GRIN2B: variants seen among roughly 807,000 people sequenced by gnomAD.
GRIN2B encodes the protein glutamate ionotropic receptor NMDA type subunit 2B.
Under a neutral mutation model 114.5 loss-of-function variants are expected in GRIN2B, and 5 were observed. That is an observed-to-expected ratio of 0.04 (90% CI 0.02 to 0.09). GRIN2B has a LOEUF of 0.09. GRIN2B is among the 10% of genes least tolerant of loss of function. The pLI is 1.00. For synonymous variants in GRIN2B, 787 were observed against 745.1 expected, an observed-to-expected ratio of 1.06 and a Z score of -0.92; for missense variants, 1,108 against 1,943.5, an observed-to-expected ratio of 0.57 and a Z score of 8.08.
At chr12:13,705,064 C>T (rs979018574) in intron 4 of GRIN2B, among the ~76,000 whole-genome samples, 3 of 131,932 alleles carry the variant, frequency 2.3e-5, no homozygotes, top group African/African-American at 8.1e-5. Context: ...ACAATCCTAT[C>T]CATTCTTTTT....
chr12:13,743,398 C>A (rs1368821884), intron 4 of GRIN2B, among the ~76,000 whole-genome samples: 4 of 152,146 alleles, frequency 2.6e-5, no homozygotes, highest in Non-Finnish European at 5.9e-5. Context: ...AGGACAATGA[C>A]CCCGTGCAGC....
intron 3 of GRIN2B, among the ~76,000 whole-genome samples, chr12:13,850,393 C>T (rs1193527851): frequency 1.3e-5 from 2 of 152,124 alleles, no homozygotes; most frequent in South Asian, 2.1e-4. Flanking sequence ...AATCCTGGGG[C>T]ATCCAGTTGA....
Position 13,558,670 on chromosome 12 carries a change from A to G in GRIN2B, c.*4113T>C, listed in dbSNP as rs4627170. 1.3e-5 allele frequency: 2 copies of G among 152,358 alleles called. No individual in the cohort carries two copies. The highest frequency in any genetic ancestry group is 1.3e-4 in the Admixed American group (2 of 15,310). 9.4% of individuals were successfully genotyped at this position (152,358 alleles called of 1,614,324 possible). A position where few individuals can be genotyped will look rare whatever the true frequency, so the allele number is the denominator to read the frequency against. On this transcript the variant is annotated 3_prime_UTR_variant, in exon 14 of 14. Coordinates refer to ENST00000609686, the MANE Select transcript of GRIN2B (RefSeq NM_000834.5). ...CGTTTTTGGCACTACTGACACCAGCAACATTTAATGGAATCATTTGGGATT... is the reference window on the plus strand; with the variant it reads ...CGTTTTTGGCACTACTGACACCAGCGACATTTAATGGAATCATTTGGGATT...
At chr12:13,711,533 A>G (rs1265848152) in intron 4 of GRIN2B, among the ~76,000 whole-genome samples, 2 of 152,142 alleles carry the variant, frequency 1.3e-5, no homozygotes, top group Admixed American at 1.3e-4. Context: ...AATTTATAAG[A>G]AAAAAACAAA....
chr12:13,753,260 G>C lies in GRIN2B; in HGVS notation c.1010+57C>G. ...TGCAGTTTCTGAACTTCCAACCCCA[G>C]TCTTTGAAGCTCCCCTCTCATCTCC... On this transcript the variant is annotated intron_variant, in intron 4 of 13. Transcript: ENST00000609686. The surrounding 1 kb of genome is among the most constrained non-coding windows in gnomAD (Gnocchi z 6.2). The C allele has an allele frequency of 9.6e-7, 1 of 1,037,844 alleles. No homozygotes were observed. Among genetic ancestry groups the C allele is most frequent in the South Asian group, 1.3e-5 (1 of 79,664 alleles). 64.3% of individuals were successfully genotyped at this position (1,037,844 alleles called of 1,614,324 possible).
At chr12:13,875,108 T>C (rs1480880038) in intron 2 of GRIN2B, among the ~76,000 whole-genome samples, 1 of 152,170 alleles carries the variant, frequency 6.6e-6, no homozygotes, top group Non-Finnish European at 1.5e-5. Context: ...GTGTGTATTT[T>C]TCCCCCATTC....
chr12:13,693,813 C>G (rs1297872787), intron 4 of GRIN2B, among the ~76,000 whole-genome samples: 2 of 152,136 alleles, frequency 1.3e-5, no homozygotes, highest in Non-Finnish European at 2.9e-5. Flanking sequence ...TTTTCCTTGC[C>G]TCTGGAACAG....
chr12:13,981,656 T>A (rs1189501890), upstream of GRIN2B: 1 of 27,940 alleles, frequency 3.6e-5, no homozygotes, highest in African/African-American at 1.4e-4. Context: ...AGGTGGGGGG[T>A]GGAGAGGCAG....
chr12:13,927,966 C>CAAAA (rs57736516), intron 2 of GRIN2B, among the ~76,000 whole-genome samples: 3 of 37,594 alleles, frequency 8.0e-5, no homozygotes, highest in African/African-American at 1.8e-4. Context: ...GACCCTGTCT[C>CAAAA]AAAAAAAAAA....
intron 12 of GRIN2B, among the ~76,000 whole-genome samples, 196 bp from the exon 13 acceptor site, chr12:13,567,459 A>G (rs1393657496): frequency 6.6e-6 from 1 of 152,270 alleles, no homozygotes; most frequent in African/African-American, 2.4e-5. Context: ...TCATCAACGT[A>G]CTTAGTAAGC....
At chr12:13,736,624 A>T (rs190789951) in intron 4 of GRIN2B, among the ~76,000 whole-genome samples, 2 of 152,316 alleles carry the variant, frequency 1.3e-5, no homozygotes, top group East Asian at 3.9e-4. Context: ...AGCTAAACAC[A>T]TAATCTCACT....
chr12:13,974,227 G>T (rs921745958), intron 2 of GRIN2B, among the ~76,000 whole-genome samples: 3 of 152,196 alleles, frequency 2.0e-5, no homozygotes, highest in Non-Finnish European at 2.9e-5. Context: ...ACTAACAGCT[G>T]TCCCTTTCTT....
At position 13,756,293 on chromosome 12, in the gene GRIN2B, C is replaced by A. The variant is rs928843838; in HGVS notation, c.412-2378G>T. ...CCTCCCAAAGTGCTGGGATTACAGGCGTGAGCTACTGCGCCCATCCAAATT... is the reference window on the plus strand; with the variant it reads ...CCTCCCAAAGTGCTGGGATTACAGGAGTGAGCTACTGCGCCCATCCAAATT... On this transcript the variant is annotated intron_variant, in intron 3 of 13. Transcript: ENST00000609686. Among the ~76,000 whole-genome samples the A allele has an allele frequency of 2.6e-5, 4 of 152,128 alleles. No homozygotes were observed. The East Asian group carries it at 7.7e-4, about 29-fold the overall frequency.
At chr12:13,840,836 C>T (rs1865366036) in intron 3 of GRIN2B, among the ~76,000 whole-genome samples, 1 of 151,422 alleles carries the variant, frequency 6.6e-6, no homozygotes, top group African/African-American at 2.4e-5. Flanking sequence ...TCTCTCTGAG[C>T]CCTGAATTGT....
chr12:13,746,328 C>T (rs12321712), intron 4 of GRIN2B, among the ~76,000 whole-genome samples: 10,358 of 152,202 alleles, frequency 0.068, 464 homozygotes, highest in Non-Finnish European at 0.1. Flanking sequence ...ACCTATGACC[C>T]GCTTTTTAAC....
chr12:13,937,899 A>G (rs1867157210), intron 2 of GRIN2B, among the ~76,000 whole-genome samples: 1 of 152,142 alleles, frequency 6.6e-6, no homozygotes, highest in Admixed American at 6.5e-5. Flanking sequence ...GAGAATCAAG[A>G]AACAGGAAAT....
intron 2 of GRIN2B, among the ~76,000 whole-genome samples, chr12:13,974,253 C>A (rs555621619): frequency 1.2e-4 from 18 of 152,322 alleles, no homozygotes; most frequent in South Asian, 6.2e-4. Context: ...TGGCCATCAA[C>A]AGAGTTAGCT....
intron 2 of GRIN2B, among the ~76,000 whole-genome samples, chr12:13,910,587 C>G (rs1456977884): frequency 6.6e-6 from 1 of 152,162 alleles, no homozygotes; most frequent in Non-Finnish European, 1.5e-5. Flanking sequence ...AGGATTATTG[C>G]AAAGGTCTCT....
intron 2 of GRIN2B, among the ~76,000 whole-genome samples, chr12:13,953,541 G>A (rs768633836): frequency 1.2e-4 from 18 of 152,082 alleles, no homozygotes; most frequent in Non-Finnish European, 2.2e-4. Context: ...CAAGCCTCCC[G>A]TGCCAAATAG....
Sources: gnomAD v4.1 joint callset for allele counts (sites outside exome capture counted in the v4.1 genomes callset) on GRCh38, gnomAD v4.1.1 for gene constraint, Gnocchi (gnomAD v3.1) non-coding constraint, MANE v1.5 for transcripts, NCBI Gene and HGNC (gene_info 2026-07-23, HGNC 2026-07-21) for gene names.